The following TTN variants were observed in gnomAD, a reference collection of about 807,000 sequenced individuals.
The protein encoded by TTN is connectin.
TTN carries 1,525 observed loss-of-function variants against 3,223.0 expected under a neutral mutation model. The ratio of observed to expected loss-of-function variants is 0.47; its 90% CI spans 0.45 to 0.49. The LOEUF (loss-of-function observed/expected upper bound fraction) is 0.49. TTN is among the 20% of genes least tolerant of loss of function. The pLI is 0.00. For missense variants in TTN, 40,786 were observed against 43,424.0 expected (o/e 0.94, Z 5.40); for synonymous variants, 14,094 against 15,161.0 (o/e 0.93, Z 5.17).
chr2:178,744,617 C>T, intron 47 of TTN: 1 of 937,974 alleles, frequency 1.1e-6, no homozygotes, highest in Non-Finnish European at 1.3e-6. Context: ...GATAGGAAAG[C>T]TTGTTATCTT....
rs768370268 is a variant in TTN at position 178,728,259 on chromosome 2, G to T, written c.19565C>A (p.Ser6522Tyr). ...CACAAGTCTGTATTTTGCACTTGTA[G>T]ATATTTCTTTTCCATCCTTAAACCA... is the stretch of plus-strand genomic sequence containing the variant. ...AQWFKDGKEISTSAKYRLVCH... is the reference protein window; with the variant it reads ...AQWFKDGKEIYTSAKYRLVCH... The change falls in exon 67 of 363, where the codon TCT becomes TAT. Residue 6522 changes from serine (S) to tyrosine (Y), a missense_variant. Physicochemically the swap from Ser to Tyr is moderately radical, Grantham distance 144 (BLOSUM62 -2). Coordinates refer to ENST00000589042, the MANE Select transcript of TTN (RefSeq NM_001267550.2). 3 of 1,613,170 alleles carry T rather than the reference G, an allele frequency of 1.9e-6. No individual in the cohort carries two copies. Among genetic ancestry groups the T allele is most frequent in the African/African-American group, 1.3e-5 (1 of 74,868 alleles).
At position 178,528,832 on chromosome 2, in the gene TTN, A is replaced by C. The variant is rs750550267; in HGVS notation, c.106919T>G (p.Leu35640Arg). Reference protein sequence around the residue: ...IAGATDVKWVLNGVELTNSEE... With the variant: ...IAGATDVKWVRNGVELTNSEE... ...AGAGTTGGTAAGCTCTACGCCATTC[A>C]GTACCCATTTCACATCAGTGGCACC... Residue 35640 changes from leucine to arginine, a missense_variant, in exon 360 of 363, where the codon CTG becomes CGG. Coordinates refer to ENST00000589042, the MANE Select transcript of TTN (RefSeq NM_001267550.2). 2.5e-6 allele frequency: 4 copies of C among 1,613,976 alleles called. No individual in the cohort carries two copies. The South Asian group carries it at 4.4e-5, about 18-fold the overall frequency.
Position 178,616,792 on chromosome 2 carries a change from A to G in TTN, c.48097T>C (p.Tyr16033His). 1 of 1,612,826 alleles carries G rather than the reference A, an allele frequency of 6.2e-7. No homozygotes were observed. Among genetic ancestry groups the G allele is most frequent in the South Asian group, 1.1e-5 (1 of 91,052 alleles). Residue 16033 changes from tyrosine to histidine, a missense_variant, in exon 256 of 363, where the codon TAT becomes CAT. Tyr to His is a moderately conservative substitution (Grantham distance 83). Transcript: ENST00000589042. ...ACACGGTTTTCTAATTTCAGTGTAT[A>G]AATGCCCTTGTCTGAACGTTCACTT... ...SPSERSDKGI[Y>H]TLKLENRVKT...
Position 178,693,551 on chromosome 2 carries a change from A to G in TTN, c.31594+58T>C, listed in dbSNP as rs531548257. ...TTAATACTAACATAAATGTTTTACT[A>G]TGGTATTTGTACTAATTTTTATTAA... On this transcript the variant is annotated intron_variant, in intron 119 of 362. Transcript: ENST00000589042. 6 of 1,204,646 alleles carry G rather than the reference A, an allele frequency of 5.0e-6. No individual in the cohort carries two copies. The East Asian group carries it at 1.0e-4, about 21-fold the overall frequency. The allele number at this position is 1,204,646 out of a possible 1,614,324, so 74.6% of individuals were successfully genotyped here.
intron 135 of TTN, among the ~76,000 whole-genome samples, chr2:178,682,375 G>A (rs867307882): frequency 2.0e-5 from 3 of 151,944 alleles, no homozygotes; most frequent in Non-Finnish European, 4.4e-5. Flanking sequence ...GAATGATCAC[G>A]GGCACTTGAA....
chr2:178,789,704 G>A (rs991219229), intron 12 of TTN, among the ~76,000 whole-genome samples: 1 of 152,040 alleles, frequency 6.6e-6, no homozygotes, highest in African/African-American at 2.4e-5. Flanking sequence ...CTCTAGATGA[G>A]TCCCTGTGTC....
Position 178,773,634 on chromosome 2 carries a change from A to G in TTN, c.7422T>C (p.Thr2474=). 6.2e-7 allele frequency: 1 copy of G among 1,614,024 alleles called. No homozygotes were observed. The highest frequency in any genetic ancestry group is 8.5e-7 in the Non-Finnish European group (1 of 1,179,970). The part of the protein sequence containing the change: ...LECKVSVPDV[T]SVKWYLNDEQ... ...CATCATTTAAGTACCACTTAACAGA[A>G]GTCACATCAGGGACTGACACCTTAC... is the stretch of plus-strand genomic sequence containing the variant. The change falls in exon 32 of 363, where the codon ACT becomes ACC. Residue 2474 remains threonine, a synonymous_variant. Transcript: ENST00000589042.
At chr2:178,746,964 C>T in intron 47 of TTN, 1 of 1,613,490 alleles carries the variant, frequency 6.2e-7, no homozygotes, top group Non-Finnish European at 8.5e-7. Context: ...TAGAAATGCT[C>T]ATTTGGTGTA....
Position 178,807,298 on chromosome 2 carries a change from A to T in TTN, c.-100T>A, listed in dbSNP as rs1329626897. ...GTCCTATGGAGAGTTGGTTTTTCTG[A>T]CCATCTCCGACATGAATCGGTGAGC... is the stretch of plus-strand genomic sequence containing the variant. On this transcript the variant is annotated 5_prime_UTR_variant, in exon 1 of 363. Coordinates refer to ENST00000589042, the MANE Select transcript of TTN (RefSeq NM_001267550.2). 6 of 152,090 alleles carry T rather than the reference A, an allele frequency of 3.9e-5. No individual in the cohort carries two copies. 9.4% of individuals were successfully genotyped at this position (152,090 alleles called of 1,614,324 possible). A position where few individuals can be genotyped will look rare whatever the true frequency, so the allele number is the denominator to read the frequency against.
In TTN at chr2:178,553,531, T is replaced by C; in HGVS notation, c.89474A>G (p.Asn29825Ser). Residue 29825 changes from asparagine to serine, a missense_variant, in exon 334 of 363, where the codon AAT (asparagine) becomes AGT (serine). Transcript: ENST00000589042. ...CAGQGEPIEMNEPVQAKDILE... is the reference protein window; with the variant it reads ...CAGQGEPIEMSEPVQAKDILE... ...TATATCTTTAGCTTGTACAGGTTCA[T>C]TCATTTCTATAGGTTCTCCTTGTCC... 1 of 1,613,440 alleles carries C rather than the reference T, an allele frequency of 6.2e-7. No homozygotes were observed.
rs373262780 is a variant in TTN at position 178,701,607 on chromosome 2, A to G, written c.30539-20T>C. 3.5e-5 allele frequency: 56 copies of G among 1,610,312 alleles called. No individual in the cohort carries two copies. The highest frequency in any genetic ancestry group is 4.8e-5 in the Non-Finnish European group (56 of 1,177,182). Reference sequence around the variant, plus strand: ...GAATATCTGGAAAGGGACATGTAATAAGCATAGAGAGACTGAGAACAAGCT... The same window carrying G: ...GAATATCTGGAAAGGGACATGTAATGAGCATAGAGAGACTGAGAACAAGCT... On this transcript the variant is annotated intron_variant, in intron 109 of 362. Transcript: ENST00000589042.
chr2:178,646,453 TAAA>T (rs1365060824), intron 216 of TTN, 29 bp downstream of exon 216: 22 of 1,418,724 alleles, frequency 1.6e-5, no homozygotes, highest in Non-Finnish European at 2.0e-5. Context: ...AAGAATATGA[TAAA>T]GAAGATTTAA....
intron 47 of TTN, chr2:178,744,772 T>A: frequency 1.0e-6 from 1 of 985,196 alleles, no homozygotes; most frequent in African/African-American, 1.7e-5. Flanking sequence ...TTTCCCTTTT[T>A]TCCCCAGGCC....
rs760133132 is a variant in TTN, at chr2:178,732,125, A to G, written c.16844T>C (p.Met5615Thr). 1.2e-5 allele frequency: 20 copies of G among 1,613,630 alleles called. No homozygotes were observed. Among genetic ancestry groups the G allele is most frequent in the African/African-American group, 4.0e-5 (3 of 74,922 alleles). ...DVGIEDSGEY[M>T]CEAQNEAGSD... ...GCCAGCCTCATTTTGGGCCTCACAC[A>G]TATATTCACCACTGTCTTCGATGCC... The change falls in exon 57 of 363, where the codon ATG becomes ACG. Residue 5615 changes from methionine to threonine, a missense_variant. By Grantham distance (81) the Met-to-Thr change is moderately conservative. Coordinates refer to ENST00000589042, the MANE Select transcript of TTN (RefSeq NM_001267550.2).
rs202027546 is a variant in TTN at position 178,692,033 on chromosome 2, G to C, written c.31745C>G (p.Pro10582Arg). The part of the protein sequence containing the change: ...KKPVPVPKKE[P>R]AAPPKVPEVP... ...TGGCGTACCTTTTGGGGGAGCAGCA[G>C]GTTCCTTCTTAGGCACAGGAACTGG... Residue 10582 changes from proline (P) to arginine (R), a missense_variant, in exon 121 of 363, where the codon CCT becomes CGT. By Grantham distance (103) the Pro-to-Arg change is moderately radical. Coordinates refer to ENST00000589042, the MANE Select transcript of TTN (RefSeq NM_001267550.2). 6.2e-7 allele frequency: 1 copy of C among 1,612,692 alleles called. No individual in the cohort carries two copies. The highest frequency in any genetic ancestry group is 8.5e-7 in the Non-Finnish European group (1 of 1,179,098).
intron 47 of TTN, among the ~76,000 whole-genome samples, chr2:178,743,211 A>G (rs1318361184): frequency 1.3e-5 from 2 of 152,028 alleles, no homozygotes; most frequent in Non-Finnish European, 2.9e-5. Context: ...CATAAAAAGG[A>G]TAGTAAATGA....
At position 178,592,388 on chromosome 2, in the gene TTN, G is replaced by A; in HGVS notation, c.59617C>T (p.Leu19873Phe). ...AGSKTVSVKV[L>F]VLDKPGPPRD... ...GTAGTAAAATTCTTACCTAATACAA[G>A]TACTTTTACTGAGACAGTTTTTGAA... Residue 19873 changes from leucine (L) to phenylalanine (F), a missense_variant, in exon 301 of 363, where the codon CTT (leucine) becomes TTT (phenylalanine). Leu to Phe is a conservative substitution (Grantham distance 22, BLOSUM62 0). Coordinates refer to ENST00000589042, the MANE Select transcript of TTN (RefSeq NM_001267550.2). 1 of 1,612,196 alleles carries A rather than the reference G, an allele frequency of 6.2e-7. No homozygotes were observed. The highest frequency in any genetic ancestry group is 8.5e-7 in the Non-Finnish European group (1 of 1,179,350).
rs747114179 is a variant in TTN, at chr2:178,740,360, G to C, written c.12873C>G (p.Val4291=). 7 of 1,613,510 alleles carry C rather than the reference G, an allele frequency of 4.3e-6. No homozygotes were observed. The African/African-American group carries it at 8.0e-5, about 18-fold the overall frequency. Residue 4291 remains valine, a synonymous_variant, in exon 48 of 363, where the codon GTC becomes GTG. Coordinates refer to ENST00000589042, the MANE Select transcript of TTN (RefSeq NM_001267550.2). ...CTTCTGTGCATGAGTGTTCTGAAGGGACTAGGGGCTCATAGTTTACCTGAG... is the reference window on the plus strand; with the variant it reads ...CTTCTGTGCATGAGTGTTCTGAAGGCACTAGGGGCTCATAGTTTACCTGAG... ...MISQVNYEPL[V]PSEHSCTEGG...
At chr2:178,698,274 TAGAC>T (rs1347403732) in intron 112 of TTN, among the ~76,000 whole-genome samples, 1 of 151,966 alleles carries the variant, frequency 6.6e-6, no homozygotes, top group Non-Finnish European at 1.5e-5. Flanking sequence ...TACAAAATCT[TAGAC>T]AGAAGAAACA....
Sources: gnomAD v4.1 joint callset for allele counts (sites outside exome capture counted in the v4.1 genomes callset) on GRCh38, gnomAD v4.1.1 for gene constraint, MANE v1.5 for transcripts, NCBI Gene and HGNC (gene_info 2026-07-23, HGNC 2026-07-21) for gene names.